MAGI2: variants seen among roughly 807,000 people sequenced by gnomAD.
MAGI2 encodes the protein membrane associated guanylate kinase, WW and PDZ domain containing 2, also known as membrane-associated guanylate kinase, WW and PDZ domain-containing protein 2.
In MAGI2, 35 loss-of-function variants were observed where a neutral mutation model predicts 133.3. The ratio of observed to expected loss-of-function variants is 0.26; its 90% CI spans 0.20 to 0.35. The LOEUF (loss-of-function observed/expected upper bound fraction) is 0.35, where lower values mean the gene tolerates loss of function less well. MAGI2 is among the 10% of genes least tolerant of loss of function. The pLI is 1.00. For synonymous variants in MAGI2, 729 were observed against 710.6 expected (o/e 1.03, Z -0.41); for missense variants, 1,636 against 1,863.4 (o/e 0.88, Z 2.25).
At chr7:79,158,534 T>C (rs1720006219) in intron 1 of MAGI2, among the ~76,000 whole-genome samples, 2 of 152,126 alleles carry the variant, frequency 1.3e-5, no homozygotes. Flanking sequence ...TGCAGAATAC[T>C]ATAAGATTGA....
At chr7:79,076,946 C>A (rs1026092519) in intron 1 of MAGI2, among the ~76,000 whole-genome samples, 2 of 152,112 alleles carry the variant, frequency 1.3e-5, no homozygotes, top group African/African-American at 4.8e-5. Flanking sequence ...TACTACATCC[C>A]AAAATGAAAA....
intron 2 of MAGI2, among the ~76,000 whole-genome samples, chr7:78,934,906 C>T (rs965262229): frequency 2.0e-5 from 3 of 152,116 alleles, no homozygotes; most frequent in African/African-American, 7.2e-5. Context: ...GCTTGACTAA[C>T]CACTATATAA....
At chr7:78,074,394 T>A (rs1815054197) in intron 21 of MAGI2, among the ~76,000 whole-genome samples, 1 of 152,210 alleles carries the variant, frequency 6.6e-6, no homozygotes, top group African/African-American at 2.4e-5. Flanking sequence ...TTTCTTGACA[T>A]GTCCAGAAGT....
chr7:78,676,900 T>C (rs1432265384), intron 2 of MAGI2, among the ~76,000 whole-genome samples: 2 of 152,034 alleles, frequency 1.3e-5, no homozygotes, highest in Non-Finnish European at 2.9e-5. Flanking sequence ...ACTAAACAAA[T>C]AAAGCATTCC....
At chr7:79,240,358 G>GA (rs762841388) in intron 1 of MAGI2, among the ~76,000 whole-genome samples, 5,186 of 88,244 alleles carry the variant, frequency 0.059, 142 homozygotes, top group African/African-American at 0.1. Context: ...TTATCAGAAT[G>GA]AAAAAAAAAA....
At chr7:78,569,180 C>A (rs1218179287) in intron 3 of MAGI2, among the ~76,000 whole-genome samples, 4 of 151,938 alleles carry the variant, frequency 2.6e-5, no homozygotes, top group Non-Finnish European at 4.4e-5. Context: ...TTCTTAAGAG[C>A]CCTTATCGCC....
At chr7:78,905,406 T>C (rs1797921398) in intron 2 of MAGI2, among the ~76,000 whole-genome samples, 1 of 152,190 alleles carries the variant, frequency 6.6e-6, no homozygotes, top group East Asian at 1.9e-4. Context: ...ACCACTTACC[T>C]AGTTGTATGA....
At chr7:78,558,925 T>C (rs1422090746) in intron 3 of MAGI2, among the ~76,000 whole-genome samples, 3 of 149,982 alleles carry the variant, frequency 2.0e-5, no homozygotes, top group African/African-American at 7.4e-5. Flanking sequence ...ATCGAGGTCA[T>C]GTGCAGGGTG....
chr7:78,717,290 C>G, intron 2 of MAGI2, among the ~76,000 whole-genome samples: 1 of 151,732 alleles, frequency 6.6e-6, no homozygotes, highest in East Asian at 1.9e-4. Flanking sequence ...CACACACACA[C>G]AGAGTGAAAA....
rs556090188 is a variant in MAGI2, at chr7:78,113,320, G to A, written c.3567+12374C>T. 2.6e-5 allele frequency among the ~76,000 whole-genome samples: 4 copies of A among 152,194 alleles called. No homozygotes were observed. In the South Asian group the frequency reaches 8.3e-4, roughly 32 times the overall value. On this transcript the variant is annotated intron_variant, in intron 20 of 21. Coordinates refer to ENST00000354212, the MANE Select transcript of MAGI2 (RefSeq NM_012301.4). Reference sequence around the variant, plus strand: ...AACCATCTTATCTAGCAGGCTGAGGGGAGGAAAATACAAGTTGATTTGTAT... The same window carrying A: ...AACCATCTTATCTAGCAGGCTGAGGAGAGGAAAATACAAGTTGATTTGTAT...
chr7:78,164,749 T>C (rs1825454144), intron 15 of MAGI2, among the ~76,000 whole-genome samples: 1 of 152,254 alleles, frequency 6.6e-6, no homozygotes, highest in Non-Finnish European at 1.5e-5. Flanking sequence ...GACTCTAACA[T>C]GTTTTTATGA....
At chr7:79,041,472 A>G (rs1362789112) in intron 1 of MAGI2, among the ~76,000 whole-genome samples, 1 of 152,162 alleles carries the variant, frequency 6.6e-6, no homozygotes, top group Non-Finnish European at 1.5e-5. Context: ...TCTTTAATAA[A>G]CATAATATGA....
chr7:79,397,811 A>C (rs1004091759), intron 1 of MAGI2, among the ~76,000 whole-genome samples: 10 of 152,174 alleles, frequency 6.6e-5, no homozygotes, highest in African/African-American at 2.4e-4. Flanking sequence ...TGTGCAATTT[A>C]AAAGTACTCA....
intron 9 of MAGI2, among the ~76,000 whole-genome samples, chr7:78,292,300 G>C (rs949354995): frequency 1.3e-5 from 2 of 152,238 alleles, no homozygotes; most frequent in African/African-American, 2.4e-5. Flanking sequence ...CAGACAAACA[G>C]AGAGTCAAAT....
At chr7:79,060,746 G>C (rs1361111207) in intron 1 of MAGI2, among the ~76,000 whole-genome samples, 1 of 152,086 alleles carries the variant, frequency 6.6e-6, no homozygotes, top group Non-Finnish European at 1.5e-5. Context: ...CACTTTCAGG[G>C]TTATGGCCTT....
At chr7:78,126,298 A>G (rs1354778930) in intron 19 of MAGI2, among the ~76,000 whole-genome samples, 1 of 152,002 alleles carries the variant, frequency 6.6e-6, no homozygotes, top group East Asian at 1.9e-4. Flanking sequence ...AGTTGCACAG[A>G]CTATTGAATA....
At chr7:79,180,598 G>A (rs930308495) in intron 1 of MAGI2, among the ~76,000 whole-genome samples, 1 of 151,938 alleles carries the variant, frequency 6.6e-6, no homozygotes, top group East Asian at 1.9e-4. Context: ...AGAGATTTGG[G>A]CAGGGACAGA....
chr7:78,139,995 T>C (rs1490620384), intron 16 of MAGI2, among the ~76,000 whole-genome samples: 1 of 152,162 alleles, frequency 6.6e-6, no homozygotes, highest in African/African-American at 2.4e-5. Context: ...GTCCTCTAAG[T>C]GAATTTGGAA....
intron 1 of MAGI2, among the ~76,000 whole-genome samples, chr7:79,175,787 A>G (rs1826039420): frequency 6.6e-6 from 1 of 152,050 alleles, no homozygotes; most frequent in Non-Finnish European, 1.5e-5. Context: ...ATCTAAACAT[A>G]GAAAAGATAC....
Sources: allele counts gnomAD v4.1 joint callset (sites outside exome capture counted in the v4.1 genomes callset), GRCh38; gene constraint gnomAD v4.1.1; transcripts MANE v1.5; gene names NCBI Gene and HGNC (gene_info 2026-07-23, HGNC 2026-07-21).